Variants in TCEA1 observed in about 807,000 individuals in gnomAD.
The protein encoded by TCEA1 is transcription elongation factor A protein 1.
Under a neutral mutation model 43.8 loss-of-function variants are expected in TCEA1, and 21 were observed. That is an observed-to-expected ratio of 0.48 (90% CI 0.34 to 0.69). The LOEUF is 0.69. Ranked by LOEUF, TCEA1 falls within the 30% of genes least tolerant of loss-of-function variation. The pLI is 0.01. For synonymous variants in TCEA1, 104 were observed against 117.5 expected (o/e 0.88, Z 0.75); for missense variants, 250 against 365.1 (o/e 0.68, Z 2.57).
chr8:53,987,167 C>G (rs980470736), intron 5 of TCEA1, 142 bp from the exon 6 acceptor site: 11 of 715,334 alleles, frequency 1.5e-5, no homozygotes, highest in Non-Finnish European at 2.4e-5. Context: ...TCGTTAGAAT[C>G]TGATCACTTC....
chr8:54,021,948 G>T, intron 1 of TCEA1, 115 bp downstream of exon 1: 1 of 1,097,188 alleles, frequency 9.1e-7, no homozygotes. Flanking sequence ...GGCGGGCCCG[G>T]CTCCCAGACG....
intron 2 of TCEA1, among the ~76,000 whole-genome samples, chr8:54,004,526 A>G (rs1804377191): frequency 6.6e-6 from 1 of 152,228 alleles, no homozygotes; most frequent in Non-Finnish European, 1.5e-5. Flanking sequence ...CCAGACATCA[A>G]AGGTCAGATA....
chr8:54,010,393 AC>A lies in TCEA1; in HGVS notation c.126+36del. The A allele has an allele frequency of 2.0e-6, 3 of 1,509,828 alleles. No individual in the cohort carries two copies. In the South Asian group the frequency reaches 3.7e-5, roughly 19 times the overall value. The allele number at this position is 1,509,828 out of a possible 1,614,324, so 93.5% of individuals were successfully genotyped here. On this transcript the variant is annotated intron_variant, in intron 2 of 9. Coordinates refer to ENST00000521604, the MANE Select transcript of TCEA1 (RefSeq NM_006756.4). ...GATGTTTTGGTATTTTATGACGACT[AC>A]CTATTAAAAAAACTTTGATGCATAA...
rs898556577 is a variant in TCEA1, at chr8:53,980,433, T to C, written c.679-1262A>G. On this transcript the variant is annotated intron_variant, in intron 7 of 9. Coordinates refer to ENST00000521604, the MANE Select transcript of TCEA1 (RefSeq NM_006756.4). ...GCAATGCTGTGTTGAGCAAATCTATTGGCGCTATTTTTCCAAAAGCATGTG... is the reference window on the plus strand; with the variant it reads ...GCAATGCTGTGTTGAGCAAATCTATCGGCGCTATTTTTCCAAAAGCATGTG... Among the ~76,000 whole-genome samples the C allele has an allele frequency of 2.0e-5, 3 of 152,260 alleles. No individual in the cohort carries two copies. In the East Asian group the frequency reaches 5.8e-4, roughly 29 times the overall value.
chr8:54,021,235 C>G lies in TCEA1; in HGVS notation c.63+828G>C, dbSNP rs564831805. On this transcript the variant is annotated intron_variant, in intron 1 of 9. Transcript: ENST00000521604. ...GAACAGATGAGTCTGAAGCAAGGGACTGAAAGTGCCACACAAATGGGCAAG... is the reference window on the plus strand; with the variant it reads ...GAACAGATGAGTCTGAAGCAAGGGAGTGAAAGTGCCACACAAATGGGCAAG... Among the ~76,000 whole-genome samples the G allele has an allele frequency of 1.1e-3, 174 of 152,252 alleles. 1 individual carries two copies. Among genetic ancestry groups the G allele is most frequent in the African/African-American group, 4.0e-3 (166 of 41,552 alleles).
chr8:54,000,113 C>A, intron 2 of TCEA1, 63 bp from the exon 3 acceptor site: 2 of 978,050 alleles, frequency 2.0e-6, no homozygotes, highest in Non-Finnish European at 1.5e-6. Flanking sequence ...TAGTATTTCA[C>A]CTACATTCTT....
chr8:54,001,230 T>C (rs2129309048), intron 2 of TCEA1, among the ~76,000 whole-genome samples: 1 of 152,244 alleles, frequency 6.6e-6, no homozygotes, highest in Admixed American at 6.5e-5. Context: ...CAGACAATAT[T>C]TCAAACATAT....
intron 2 of TCEA1, among the ~76,000 whole-genome samples, chr8:54,007,827 T>C (rs1478821524): frequency 6.6e-6 from 1 of 152,186 alleles, no homozygotes; most frequent in African/African-American, 2.4e-5. Context: ...ATTCATGTTA[T>C]TGGCTATATT....
intron 5 of TCEA1, 129 bp downstream of exon 5, chr8:53,987,985 C>T: frequency 8.5e-7 from 1 of 1,177,456 alleles, no homozygotes; most frequent in Non-Finnish European, 1.1e-6. Context: ...AACAACTTCT[C>T]CCCAAGCTAA....
intron 1 of TCEA1, 171 bp downstream of exon 1, chr8:54,021,892 G>T: frequency 2.1e-6 from 1 of 485,070 alleles, no homozygotes; most frequent in Non-Finnish European, 3.4e-6. Flanking sequence ...GTTGCCGCGG[G>T]ACCCGACGCC....
At chr8:53,984,296 G>C in intron 7 of TCEA1, 67 bp downstream of exon 7, 2 of 1,422,526 alleles carry the variant, frequency 1.4e-6, no homozygotes, top group Non-Finnish European at 1.9e-6. Context: ...AGTCTATGAT[G>C]ATAATAGGCT....
chr8:53,991,748 G>A (rs972926202), intron 4 of TCEA1, among the ~76,000 whole-genome samples: 1 of 151,492 alleles, frequency 6.6e-6, no homozygotes, highest in African/African-American at 2.4e-5. Context: ...ATGAGAGACT[G>A]AGGAACTATT....
At chr8:53,980,042 T>A (rs564930892) in intron 7 of TCEA1, among the ~76,000 whole-genome samples, 1 of 152,204 alleles carries the variant, frequency 6.6e-6, no homozygotes, top group Non-Finnish European at 1.5e-5. Context: ...CTTGCATTAA[T>A]AAAACTCTTT....
chr8:54,012,981 A>G (rs1360082996), intron 1 of TCEA1, among the ~76,000 whole-genome samples: 1 of 151,544 alleles, frequency 6.6e-6, no homozygotes, highest in Non-Finnish European at 1.5e-5. Flanking sequence ...AAAAAAAAAA[A>G]AAAGATTGTG....
intron 9 of TCEA1, 141 bp from the exon 10 acceptor site, chr8:53,968,253 TCAC>T (rs1382724195): frequency 1.7e-6 from 1 of 593,012 alleles, no homozygotes; most frequent in Non-Finnish European, 2.8e-6. Context: ...CACATAATAA[TCAC>T]CTATCTTAAG....
intron 1 of TCEA1, among the ~76,000 whole-genome samples, chr8:54,016,057 C>T (rs1210691010): frequency 6.6e-6 from 1 of 152,214 alleles, no homozygotes; most frequent in Admixed American, 6.5e-5. Context: ...GGAATCCTCA[C>T]ACACTGCTAG....
At chr8:54,020,615 G>A (rs1223912352) in intron 1 of TCEA1, among the ~76,000 whole-genome samples, 2 of 152,168 alleles carry the variant, frequency 1.3e-5, no homozygotes, top group Non-Finnish European at 2.9e-5. Flanking sequence ...AAACTACACA[G>A]TACTTAATTT....
At chr8:53,984,816 A>C (rs1379256389) in intron 6 of TCEA1, among the ~76,000 whole-genome samples, 2 of 151,802 alleles carry the variant, frequency 1.3e-5, no homozygotes, top group African/African-American at 4.8e-5. Context: ...TGGGAGGCAG[A>C]GGTTGCAGCG....
intron 3 of TCEA1, among the ~76,000 whole-genome samples, chr8:53,996,288 G>A (rs1303984920): frequency 6.6e-6 from 1 of 152,232 alleles, no homozygotes; most frequent in Admixed American, 6.5e-5. Flanking sequence ...TGGGAAGGAG[G>A]TGCTCCAGCT....
Sources: allele counts gnomAD v4.1 joint callset (sites outside exome capture counted in the v4.1 genomes callset), GRCh38; gene constraint gnomAD v4.1.1; transcripts MANE v1.5; gene names NCBI Gene and HGNC (gene_info 2026-07-23, HGNC 2026-07-21).